Variants in GREB1 observed in about 807,000 individuals in gnomAD.
The protein encoded by GREB1 is growth regulating estrogen receptor binding 1.
In GREB1, 106 loss-of-function variants were observed where a neutral mutation model predicts 200.7. The ratio of observed to expected loss-of-function variants is 0.53; its 90% CI spans 0.45 to 0.62. The LOEUF is 0.62. GREB1 is among the 20% of genes least tolerant of loss of function. The pLI is 0.00. For missense variants in GREB1, 2,243 were observed against 2,556.8 expected (o/e 0.88, Z 2.65); for synonymous variants, 1,132 against 1,092.4 (o/e 1.04, Z -0.72).
At position 11,610,720 on chromosome 2, in the gene GREB1, C is replaced by T. The variant is rs1682843031; in HGVS notation, c.2699C>T (p.Thr900Ile). The T allele has an allele frequency of 6.2e-7, 1 of 1,613,130 alleles. No homozygotes were observed. Among genetic ancestry groups the T allele is most frequent in the African/African-American group, 1.3e-5 (1 of 74,952 alleles). Reference protein sequence around the residue: ...FPRLHSAVIRTFVLVQHYAAA... With the variant: ...FPRLHSAVIRIFVLVQHYAAA... ...CGCCTGCACAGCGCGGTGATCAGGA[C>T]CTTTGTTCTCGTGCAGCACTACGCG... Residue 900 changes from threonine (T) to isoleucine (I), a missense_variant, in exon 18 of 33, where the codon ACC (threonine) becomes ATC (isoleucine). This residue lies in a region of GREB1 where 1,178 missense variants were observed against 1,387.4 expected (regional missense o/e 0.85). Transcript: ENST00000381486.
At position 11,556,474 on chromosome 2, in the gene GREB1, C is replaced by T. The variant is rs1301066988; in HGVS notation, c.-141C>T. ...GGCAGTAGCTGCAGCTGAGGACAGC[C>T]ACCCTTTCTTCGTCTCTGCTGAGCG... On this transcript the variant is annotated 5_prime_UTR_variant, in exon 2 of 33. Transcript: ENST00000381486. 4 of 620,282 alleles carry T rather than the reference C, an allele frequency of 6.4e-6. No individual in the cohort carries two copies. The highest frequency in any genetic ancestry group is 5.9e-5 in the Admixed American group (2 of 34,030). The allele number at this position is 620,282 out of a possible 1,614,324, so 38.4% of individuals were successfully genotyped here. A position where few individuals can be genotyped will look rare whatever the true frequency, so the allele number is the denominator to read the frequency against.
At chr2:11,618,993 T>G in intron 22 of GREB1, 74 bp downstream of exon 22, 2 of 1,333,572 alleles carry the variant, frequency 1.5e-6, no homozygotes, top group Admixed American at 2.9e-5. Flanking sequence ...AGGGCAGGCC[T>G]GGGGGTGACC....
chr2:11,517,313 C>T (rs1187492477), intron 1 of GREB1: 1 of 152,684 alleles, frequency 6.5e-6, no homozygotes, highest in East Asian at 1.9e-4. Flanking sequence ...TCCGCTCCAA[C>T]CCAGGCACCT....
intron 1 of GREB1, among the ~76,000 whole-genome samples, chr2:11,552,787 G>A (rs934307689): frequency 7.9e-5 from 12 of 152,158 alleles, no homozygotes; most frequent in African/African-American, 1.2e-4. Flanking sequence ...CGAGGCGGGC[G>A]GATCACGAGG....
At chr2:11,495,093 G>A (rs1387983433) in intron 1 of GREB1, among the ~76,000 whole-genome samples, 2 of 152,096 alleles carry the variant, frequency 1.3e-5, no homozygotes, top group African/African-American at 2.4e-5. Flanking sequence ...GGTCTTCCTG[G>A]GGAATCAGGC....
At position 11,601,013 on chromosome 2, in the gene GREB1, G is replaced by C; in HGVS notation, c.2529+18G>C. On this transcript the variant is annotated intron_variant, in intron 16 of 32. Coordinates refer to ENST00000381486, the MANE Select transcript of GREB1 (RefSeq NM_014668.4). ...GCAGTAATGTGAGTGCCACGGGGCT[G>C]CTGGGCCCTTGTGTAGCAATATCAC... is the stretch of plus-strand genomic sequence containing the variant. 6.3e-7 allele frequency: 1 copy of C among 1,594,456 alleles called. No individual in the cohort carries two copies. The highest frequency in any genetic ancestry group is 2.2e-5 in the East Asian group (1 of 44,502).
At chr2:11,522,040 G>A (rs1250871516) in intron 1 of GREB1, among the ~76,000 whole-genome samples, 2 of 152,158 alleles carry the variant, frequency 1.3e-5, no homozygotes, top group Non-Finnish European at 2.9e-5. Context: ...TCTCTGCTTT[G>A]TGCCTGGTAG....
Position 11,548,214 on chromosome 2 carries a change from A to C in GREB1, c.-161-8240A>C, listed in dbSNP as rs1675471271. Among the ~76,000 whole-genome samples, 1 of 151,808 alleles carries C rather than the reference A, an allele frequency of 6.6e-6. No homozygotes were observed. Among genetic ancestry groups the C allele is most frequent in the Admixed American group, 6.6e-5 (1 of 15,244 alleles). On this transcript the variant is annotated intron_variant, in intron 1 of 32. Transcript: ENST00000381486. The surrounding 1 kb of genome is among the most constrained non-coding windows in gnomAD (Gnocchi z 5.1). ...ACCCACCACACATTCTCACATGCACACAGCCAGACATGTGCACACATGTGC... is the reference window on the plus strand; with the variant it reads ...ACCCACCACACATTCTCACATGCACCCAGCCAGACATGTGCACACATGTGC...
intron 1 of GREB1, among the ~76,000 whole-genome samples, chr2:11,527,359 TCATATAAATGATA>T (rs1673912077): frequency 6.6e-6 from 1 of 152,224 alleles, no homozygotes; most frequent in South Asian, 2.1e-4. Context: ...TTGTGGGACC[TCATATAAATGATA>T]CAGTGGACTT....
chr2:11,626,726 A>C (rs1307854057), intron 24 of GREB1, among the ~76,000 whole-genome samples: 1 of 152,234 alleles, frequency 6.6e-6, no homozygotes, highest in African/African-American at 2.4e-5. Context: ...GTCTACAGTA[A>C]GACATGATAT....
chr2:11,625,821 A>G (rs1156714770), intron 24 of GREB1, among the ~76,000 whole-genome samples: 1 of 152,186 alleles, frequency 6.6e-6, no homozygotes, highest in Non-Finnish European at 1.5e-5. Flanking sequence ...GCTGCTGATA[A>G]AGACATACCT....
At chr2:11,510,871 C>A (rs1298668634) in intron 1 of GREB1, among the ~76,000 whole-genome samples, 1 of 152,038 alleles carries the variant, frequency 6.6e-6, no homozygotes, top group Non-Finnish European at 1.5e-5. Context: ...CAGGGTTTCG[C>A]CATGTTGGGC....
chr2:11,625,000 G>A (rs1684324272), intron 23 of GREB1, among the ~76,000 whole-genome samples, 154 bp from the exon 24 acceptor site: 1 of 152,202 alleles, frequency 6.6e-6, no homozygotes. Context: ...GTGCCGTGTA[G>A]GTGTGTGTAA....
rs767398917 is a variant in GREB1, at chr2:11,600,994, A to T, written c.2528A>T (p.Asn843Ile). 1 of 1,607,052 alleles carries T rather than the reference A, an allele frequency of 6.2e-7. No individual in the cohort carries two copies. The highest frequency in any genetic ancestry group is 8.5e-7 in the Non-Finnish European group (1 of 1,174,324). The change falls in exon 16 of 33, where the codon AAT becomes ATT. Residue 843 changes from asparagine to isoleucine, a missense_variant and splice_region_variant. Asn to Ile is a moderately radical substitution (Grantham distance 149). Transcript: ENST00000381486. ...ATCCACTGGCCTGCCTCCTGCAGTA[A>T]TGTGAGTGCCACGGGGCTGCTGGGC... ...NEIHWPASCS[N>I]GVDLYHENKK...
chr2:11,585,384 G>C, intron 8 of GREB1, 110 bp downstream of exon 8: 1 of 669,022 alleles, frequency 1.5e-6, no homozygotes, highest in South Asian at 2.1e-5. Flanking sequence ...GTGAATGTGC[G>C]TGTGTACTGA....
At chr2:11,532,163 G>A (rs186016857), upstream of GREB1, among the ~76,000 whole-genome samples, 4 of 152,190 alleles carry the variant, frequency 2.6e-5, no homozygotes, top group East Asian at 1.9e-4. Flanking sequence ...TCATATATTC[G>A]AGTCATTAAT....
intron 1 of GREB1, among the ~76,000 whole-genome samples, chr2:11,499,932 G>A (rs1245936065): frequency 6.6e-6 from 1 of 151,308 alleles, no homozygotes; most frequent in African/African-American, 2.4e-5. Flanking sequence ...TTATAGAATT[G>A]TTGCTTTAAA....
chr2:11,534,730 G>GCTT (rs1222582250), intron 1 of GREB1, among the ~76,000 whole-genome samples: 1 of 152,192 alleles, frequency 6.6e-6, no homozygotes, highest in African/African-American at 2.4e-5. Flanking sequence ...GGGGATGTGT[G>GCTT]CTTCTTCTTC....
intron 1 of GREB1, among the ~76,000 whole-genome samples, chr2:11,501,902 TTTG>T (rs762528605): frequency 0.012 from 413 of 34,930 alleles, 154 homozygotes; most frequent in East Asian, 0.022. Flanking sequence ...CCTGTTTTTT[TTTG>T]TTTTTTTTTT....
Sources: allele counts gnomAD v4.1 joint callset (sites outside exome capture counted in the v4.1 genomes callset), GRCh38; gene constraint gnomAD v4.1.1; regional missense constraint gnomAD v4.1.1; non-coding constraint Gnocchi (gnomAD v3.1); transcripts MANE v1.5; gene names NCBI Gene and HGNC (gene_info 2026-07-23, HGNC 2026-07-21).